The following PINK1 variants were observed in gnomAD, a reference collection of about 807,000 sequenced individuals.
The protein encoded by PINK1 is serine/threonine-protein kinase PINK1, mitochondrial.
A neutral mutation model predicts 56.0 loss-of-function variants in PINK1; 58 were observed. That is an observed-to-expected ratio of 1.04 (90% CI 0.84 to 1.29). The LOEUF (loss-of-function observed/expected upper bound fraction) is 1.29, where lower values mean the gene tolerates loss of function less well. Ranked by LOEUF, PINK1 falls within the 50% of genes most tolerant of loss-of-function variation. The pLI is 0.00. For missense variants in PINK1, 745 were observed against 777.9 expected, an observed-to-expected ratio of 0.96 and a Z score of 0.50; for synonymous variants, 354 against 339.3, an observed-to-expected ratio of 1.04 and a Z score of -0.48.
In PINK1 at chr1:20,635,644, C is replaced by T. The variant is rs368386674; in HGVS notation, c.387+1709C>T. On this transcript the variant is annotated intron_variant, in intron 1 of 7. Transcript: ENST00000321556. ...CGGGCGGATCATGAGGTCAGGAGAT[C>T]GAGACCATCCTGGCTAACATGGTGA... Among the ~76,000 whole-genome samples the T allele has an allele frequency of 2.6e-4, 40 of 151,248 alleles. No individual in the cohort carries two copies. In the East Asian group the frequency reaches 5.0e-3, roughly 19 times the overall value.
chr1:20,644,531 A>T lies in PINK1; in HGVS notation c.818A>T (p.Asn273Ile). The part of the protein sequence containing the change: ...RGPKQLAPHP[N>I]IIRVLRAFTS... ...CCCAAGCAACTAGCCCCTCACCCCA[A>T]CATCATCCGGGTTCTCCGCGCCTTC... Residue 273 changes from asparagine to isoleucine, a missense_variant, in exon 4 of 8, where the codon AAC becomes ATC. Coordinates refer to ENST00000321556, the MANE Select transcript of PINK1 (RefSeq NM_032409.3). 6.2e-7 allele frequency: 1 copy of T among 1,614,152 alleles called. No homozygotes were observed. Among genetic ancestry groups the T allele is most frequent in the Non-Finnish European group, 8.5e-7 (1 of 1,180,024 alleles).
At position 20,645,709 on chromosome 1, in the gene PINK1, T is replaced by TG; in HGVS notation, c.1111dup (p.Glu371GlyfsTer21). 1 of 1,614,084 alleles carries TG rather than the reference T, an allele frequency of 6.2e-7. No individual in the cohort carries two copies. The highest frequency in any genetic ancestry group is 8.5e-7 in the Non-Finnish European group (1 of 1,180,006). Reference sequence around the variant, plus strand: ...GACCTGAAATCCGACAACATCCTTGTGGAGCTGGACCCAGGTAGGAACCTG... The same window carrying TG: ...GACCTGAAATCCGACAACATCCTTGTGGGAGCTGGACCCAGGTAGGAACCTG... On this transcript the variant is annotated frameshift_variant, in exon 5 of 8. Coordinates refer to ENST00000321556, the MANE Select transcript of PINK1 (RefSeq NM_032409.3). LOFTEE classifies it high-confidence loss of function.
intron 5 of PINK1, among the ~76,000 whole-genome samples, chr1:20,646,237 A>C (rs2053179925): frequency 6.6e-6 from 1 of 152,128 alleles, no homozygotes; most frequent in Admixed American, 6.6e-5. Flanking sequence ...AAGAGTCTGC[A>C]ATGAGCTATG....
chr1:20,650,582 A>G lies in PINK1; in HGVS notation c.1637A>G (p.Glu546Gly), dbSNP rs761156393. 2 of 1,614,226 alleles carry G rather than the reference A, an allele frequency of 1.2e-6. No individual in the cohort carries two copies. The highest frequency in any genetic ancestry group is 1.3e-5 in the African/African-American group (1 of 75,066). ...ACTTTGTTGGCCAACAGGCTCACAG[A>G]GAAGTGTTGTGTGGAAACAAAAATG... ...AATLLANRLT[E>G]KCCVETKMKM... The change falls in exon 8 of 8, where the codon GAG becomes GGG. Residue 546 changes from glutamate to glycine, a missense_variant. Glu to Gly is a moderately conservative substitution (Grantham distance 98, BLOSUM62 -2). Coordinates refer to ENST00000321556, the MANE Select transcript of PINK1 (RefSeq NM_032409.3).
At chr1:20,648,333 C>G (rs930345359) in intron 5 of PINK1, 172 bp from the exon 6 acceptor site, 8 of 881,942 alleles carry the variant, frequency 9.1e-6, no homozygotes. Context: ...TTTCCGTGTT[C>G]GCACAGCAGG....
At chr1:20,645,795 T>A in intron 5 of PINK1, 72 bp downstream of exon 5, 1 of 1,575,120 alleles carries the variant, frequency 6.3e-7, no homozygotes, top group South Asian at 1.1e-5. Context: ...TAGGACTGAC[T>A]CTTCAGGTCC....
At position 20,637,889 on chromosome 1, in the gene PINK1, G is replaced by A. The variant is rs370346526; in HGVS notation, c.435G>A (p.Thr145=). 22 of 1,614,188 alleles carry A rather than the reference G, an allele frequency of 1.4e-5. No homozygotes were observed. The highest frequency in any genetic ancestry group is 1.6e-4 in the Middle Eastern group (1 of 6,062). Residue 145 remains threonine (T), a synonymous_variant, in exon 2 of 8, where the codon ACG becomes ACA. Transcript: ENST00000321556. ...KSKPGPDPLD[T]RRLQGFRLEE... is the part of the protein sequence containing the mutation. ...AGCCGGGGCCTGACCCGTTGGACAC[G>A]AGACGCTTGCAGGGCTTTCGGCTGG...
At position 20,633,514 on chromosome 1, in the gene PINK1, C is replaced by A; in HGVS notation, c.-35C>A. 1 of 1,122,904 alleles carries A rather than the reference C, an allele frequency of 8.9e-7. No individual in the cohort carries two copies. The highest frequency in any genetic ancestry group is 1.1e-6 in the Non-Finnish European group (1 of 919,162). 69.6% of individuals were successfully genotyped at this position (1,122,904 alleles called of 1,614,324 possible). A position where few individuals can be genotyped will look rare whatever the true frequency, so the allele number is the denominator to read the frequency against. ...CGGGGGACGCCGGTGGTGGCGGCAG[C>A]GGCGGCTGCGGGGGCACCGGGCCGC... On this transcript the variant is annotated 5_prime_UTR_variant, in exon 1 of 8. Transcript: ENST00000321556.
At chr1:20,646,909 T>G (rs1570405966) in intron 5 of PINK1, among the ~76,000 whole-genome samples, 1 of 152,150 alleles carries the variant, frequency 6.6e-6, no homozygotes, top group East Asian at 1.9e-4. Flanking sequence ...AGACAGAATC[T>G]TGCTTTGTTG....
intron 7 of PINK1, chr1:20,650,042 G>A (rs17414302): frequency 0.063 from 20,719 of 329,950 alleles, 879 homozygotes; most frequent in Non-Finnish European, 0.092. Context: ...CTGCCACTCC[G>A]TTAACTGCTC....
In PINK1 at chr1:20,650,919, T is replaced by C; in HGVS notation, c.*228T>C. 1.7e-6 allele frequency: 1 copy of C among 604,212 alleles called. No individual in the cohort carries two copies. Among genetic ancestry groups the C allele is most frequent in the African/African-American group, 1.8e-5 (1 of 54,320 alleles). The allele number at this position is 604,212 out of a possible 1,614,324, so 37.4% of individuals were successfully genotyped here. On this transcript the variant is annotated 3_prime_UTR_variant, in exon 8 of 8. Coordinates refer to ENST00000321556, the MANE Select transcript of PINK1 (RefSeq NM_032409.3). Reference sequence around the variant, plus strand: ...TGAATGGCCAAGCTGGTCTAGTAGATGAGGCTGGACTGAGGAGGGGTAGGC... The same window carrying C: ...TGAATGGCCAAGCTGGTCTAGTAGACGAGGCTGGACTGAGGAGGGGTAGGC...
At chr1:20,646,574 G>A (rs2053183872) in intron 5 of PINK1, among the ~76,000 whole-genome samples, 1 of 152,092 alleles carries the variant, frequency 6.6e-6, no homozygotes, top group African/African-American at 2.4e-5. Context: ...AACCCGGGAG[G>A]CGGAGGTTGT....
At chr1:20,642,242 G>T (rs1165198135) in intron 3 of PINK1, among the ~76,000 whole-genome samples, 1 of 152,226 alleles carries the variant, frequency 6.6e-6, no homozygotes, top group Admixed American at 6.5e-5. Flanking sequence ...CTAGCCTGAT[G>T]TGCTAGAAGC....
At chr1:20,639,624 C>T in intron 2 of PINK1, 1 of 524,616 alleles carries the variant, frequency 1.9e-6, no homozygotes, top group Non-Finnish European at 3.5e-6. Flanking sequence ...ATATCCTGAT[C>T]ACCTTGGCAT....
Position 20,633,576 on chromosome 1 carries a change from G to C in PINK1, c.28G>C (p.Gly10Arg), listed in dbSNP as rs2053013114. The change falls in exon 1 of 8, where the codon GGC (glycine) becomes CGC (arginine). Residue 10 changes from glycine (G) to arginine (R), a missense_variant. Gly to Arg is a moderately radical substitution (Grantham distance 125). Coordinates refer to ENST00000321556, the MANE Select transcript of PINK1 (RefSeq NM_032409.3). ...GGCGGTGCGACAGGCGCTGGGCCGC[G>C]GCCTGCAGCTGGGTCGAGCGCTGCT... MAVRQALGR[G>R]LQLGRALLLR... 8.3e-7 allele frequency: 1 copy of C among 1,200,244 alleles called. No homozygotes were observed. The highest frequency in any genetic ancestry group is 1.6e-5 in the African/African-American group (1 of 62,926). The allele number at this position is 1,200,244 out of a possible 1,614,324, so 74.3% of individuals were successfully genotyped here.
rs1478952289 is a variant in PINK1, at chr1:20,650,597, A to G, written c.1652A>G (p.Glu551Gly). The change falls in exon 8 of 8, where the codon GAA becomes GGA. Residue 551 changes from glutamate to glycine, a missense_variant. Physicochemically the swap from Glu to Gly is moderately conservative, Grantham distance 98. Transcript: ENST00000321556. ...ANRLTEKCCV[E>G]TKMKMLFLAN... ...AGGCTCACAGAGAAGTGTTGTGTGG[A>G]AACAAAAATGAAGATGCTCTTTCTG... 1 of 1,614,228 alleles carries G rather than the reference A, an allele frequency of 6.2e-7. No homozygotes were observed. Among genetic ancestry groups the G allele is most frequent in the South Asian group, 1.1e-5 (1 of 91,088 alleles).
At chr1:20,637,727 T>C (rs1309379549) in intron 1 of PINK1, 115 bp from the exon 2 acceptor site, 6 of 1,236,014 alleles carry the variant, frequency 4.9e-6, no homozygotes, top group Non-Finnish European at 5.9e-6. Flanking sequence ...TTCTGGTTTA[T>C]TGATCTGGTC....
rs557503577 is a variant in PINK1, at chr1:20,644,566, G to A, written c.853G>A (p.Val285Met). 14 of 1,614,172 alleles carry A rather than the reference G, an allele frequency of 8.7e-6. No individual in the cohort carries two copies. The highest frequency in any genetic ancestry group is 8.3e-5 in the Admixed American group (5 of 60,024). Residue 285 changes from valine (V) to methionine (M), a missense_variant, in exon 4 of 8, where the codon GTG (valine) becomes ATG (methionine). Transcript: ENST00000321556. The part of the protein sequence containing the change: ...IRVLRAFTSS[V>M]PLLPGALVDY... ...GGTTCTCCGCGCCTTCACCTCTTCC[G>A]TGCCGCTGCTGCCAGGGGCCCTGGT...
At chr1:20,646,030 T>C (rs1254689916) in intron 5 of PINK1, among the ~76,000 whole-genome samples, 1 of 152,004 alleles carries the variant, frequency 6.6e-6, no homozygotes, top group African/African-American at 2.4e-5. Flanking sequence ...TCCCAACACT[T>C]TGGGAGGCTT....
Sources: allele counts gnomAD v4.1 joint callset (sites outside exome capture counted in the v4.1 genomes callset), GRCh38; gene constraint gnomAD v4.1.1; transcripts MANE v1.5; gene names NCBI Gene and HGNC (gene_info 2026-07-23, HGNC 2026-07-21).